The following AGBL4 variants were observed in gnomAD, a reference collection of about 807,000 sequenced individuals.
The protein encoded by AGBL4 is AGBL carboxypeptidase 4.
A neutral mutation model predicts 66.4 loss-of-function variants in AGBL4; 58 were observed. The ratio of observed to expected loss-of-function variants is 0.87; its 90% CI spans 0.71 to 1.09. The LOEUF is 1.09. Ranked by LOEUF, AGBL4 falls within the 50% of genes least tolerant of loss-of-function variation. The probability of loss-of-function intolerance (pLI) is 0.00; values close to 1 mark genes in which losing one functional copy is unlikely to be tolerated. For missense variants in AGBL4, 579 were observed against 631.0 expected (o/e 0.92, Z 0.88); for synonymous variants, 234 against 222.9 (o/e 1.05, Z -0.44).
At chr1:49,626,568 G>T (rs1444684905) in intron 3 of AGBL4, among the ~76,000 whole-genome samples, 1 of 152,088 alleles carries the variant, frequency 6.6e-6, no homozygotes, top group Non-Finnish European at 1.5e-5. Flanking sequence ...AGTGCCTTGT[G>T]CCTACTCCAT....
chr1:49,380,732 C>T (rs1167395974), intron 3 of AGBL4, among the ~76,000 whole-genome samples: 2 of 151,968 alleles, frequency 1.3e-5, no homozygotes, highest in Non-Finnish European at 1.5e-5. Flanking sequence ...CTGAGAAAAA[C>T]AAGCAATGGG....
chr1:49,300,290 T>C (rs777498667), intron 3 of AGBL4, among the ~76,000 whole-genome samples: 15 of 152,192 alleles, frequency 9.9e-5, no homozygotes, highest in Non-Finnish European at 1.8e-4. Flanking sequence ...AGTTCTGTCA[T>C]TACTCTGTGA....
At chr1:49,231,339 A>G (rs550280769) in intron 4 of AGBL4, among the ~76,000 whole-genome samples, 3 of 152,304 alleles carry the variant, frequency 2.0e-5, no homozygotes, top group Admixed American at 6.5e-5. Context: ...AAAATTCTCT[A>G]TAATAATTAA....
At chr1:48,984,717 T>C (rs1660045488) in intron 5 of AGBL4, among the ~76,000 whole-genome samples, 1 of 151,836 alleles carries the variant, frequency 6.6e-6, no homozygotes, top group Admixed American at 6.6e-5. Flanking sequence ...CAGAAACAAT[T>C]CTGCTAGGGA....
At chr1:48,735,818 T>C (rs1416876586) in intron 6 of AGBL4, among the ~76,000 whole-genome samples, 4 of 151,996 alleles carry the variant, frequency 2.6e-5, no homozygotes, top group African/African-American at 9.7e-5. Flanking sequence ...CCCATCTCCA[T>C]GCCTTTGTTC....
chr1:49,200,665 G>A (rs150381873), intron 4 of AGBL4, among the ~76,000 whole-genome samples: 3 of 152,242 alleles, frequency 2.0e-5, no homozygotes, highest in Admixed American at 1.3e-4. Context: ...TTATTATAAC[G>A]GGTGTTACAA....
At chr1:48,821,216 C>T (rs949446974) in intron 6 of AGBL4, among the ~76,000 whole-genome samples, 12 of 152,068 alleles carry the variant, frequency 7.9e-5, no homozygotes, top group African/African-American at 2.9e-4. Flanking sequence ...ATAGAACTAC[C>T]ATTTGACCTA....
At chr1:49,790,381 AAGAAGCTCAG>A (rs1644567951) in intron 2 of AGBL4, among the ~76,000 whole-genome samples, 1 of 151,336 alleles carries the variant, frequency 6.6e-6, no homozygotes, top group African/African-American at 2.4e-5. Context: ...AAAAAAAAAA[AAGAAGCTCAG>A]TAAACCCCAA....
intron 3 of AGBL4, among the ~76,000 whole-genome samples, chr1:49,459,550 C>T (rs1462998304): frequency 6.6e-6 from 1 of 151,554 alleles, no homozygotes; most frequent in Non-Finnish European, 1.5e-5. Context: ...GATCTTCTCT[C>T]TTCTTTTCTT....
chr1:49,302,067 A>G (rs985315153), intron 3 of AGBL4, among the ~76,000 whole-genome samples: 2 of 152,126 alleles, frequency 1.3e-5, no homozygotes, highest in African/African-American at 4.8e-5. Flanking sequence ...CTGTTGGGCT[A>G]TAATAAACCT....
chr1:49,541,879 C>T (rs1358342339), intron 3 of AGBL4, among the ~76,000 whole-genome samples: 1 of 152,186 alleles, frequency 6.6e-6, no homozygotes, highest in East Asian at 1.9e-4. Flanking sequence ...TGTAAATGCA[C>T]CAATCAGCAC....
chr1:49,618,482 T>C (rs1268994888), intron 3 of AGBL4, among the ~76,000 whole-genome samples: 1 of 131,886 alleles, frequency 7.6e-6, no homozygotes, highest in Non-Finnish European at 1.8e-5. Flanking sequence ...ATTAATAGCC[T>C]ACTAACCAAA....
chr1:49,193,014 C>T (rs2148211457), intron 4 of AGBL4, among the ~76,000 whole-genome samples: 1 of 152,224 alleles, frequency 6.6e-6, no homozygotes, highest in East Asian at 1.9e-4. Context: ...GAGAGTTTGT[C>T]CACAGTATTC....
At chr1:48,604,232 T>G (rs319976) in intron 9 of AGBL4, among the ~76,000 whole-genome samples, 1 of 151,928 alleles carries the variant, frequency 6.6e-6, no homozygotes, top group Non-Finnish European at 1.5e-5. Context: ...AAAGCAAGAT[T>G]GACAGTTTGC....
intron 4 of AGBL4, among the ~76,000 whole-genome samples, chr1:49,106,243 A>G (rs758747255): frequency 6.6e-6 from 1 of 152,148 alleles, no homozygotes; most frequent in Non-Finnish European, 1.5e-5. Context: ...CCTTTACCAA[A>G]AGGGTTTTAC....
At chr1:49,599,712 T>G (rs1644917882) in intron 3 of AGBL4, among the ~76,000 whole-genome samples, 1 of 152,146 alleles carries the variant, frequency 6.6e-6, no homozygotes, top group African/African-American at 2.4e-5. Flanking sequence ...GTTAAGGTGT[T>G]TATTTTAGAT....
At chr1:49,716,186 C>G (rs1009937997) in intron 2 of AGBL4, among the ~76,000 whole-genome samples, 7 of 152,118 alleles carry the variant, frequency 4.6e-5, no homozygotes, top group Non-Finnish European at 8.8e-5. Context: ...CTAGTTTTCC[C>G]AACATCACTT....
chr1:49,919,559 C>A (rs1034851626), intron 1 of AGBL4, among the ~76,000 whole-genome samples: 9 of 152,042 alleles, frequency 5.9e-5, no homozygotes, highest in Non-Finnish European at 1.0e-4. Context: ...TCAAGGAGAA[C>A]TACAAACCAC....
intron 2 of AGBL4, among the ~76,000 whole-genome samples, chr1:49,783,437 A>T (rs1283429224): frequency 6.6e-6 from 1 of 152,172 alleles, no homozygotes; most frequent in Admixed American, 6.6e-5. Context: ...ATTGCAATAG[A>T]TGCATAAAAA....
Sources: gnomAD v4.1 joint callset for allele counts (sites outside exome capture counted in the v4.1 genomes callset) on GRCh38, gnomAD v4.1.1 for gene constraint, MANE v1.5 for transcripts, NCBI Gene and HGNC (gene_info 2026-07-23, HGNC 2026-07-21) for gene names.